Variants in TUBGCP3 observed in about 807,000 individuals in gnomAD.
TUBGCP3 encodes gamma-tubulin complex component 3.
Under a neutral mutation model 123.1 loss-of-function variants are expected in TUBGCP3, and 50 were observed. The ratio of observed to expected loss-of-function variants is 0.41; its 90% CI spans 0.32 to 0.51. The LOEUF (loss-of-function observed/expected upper bound fraction) is 0.51, where lower values mean the gene tolerates loss of function less well. Ranked by LOEUF, TUBGCP3 falls within the 20% of genes least tolerant of loss-of-function variation. TUBGCP3 has a pLI of 0.36. For missense variants in TUBGCP3, 882 were observed against 1,127.0 expected (o/e 0.78, Z 3.11); for synonymous variants, 405 against 413.9 (o/e 0.98, Z 0.26).
intron 8 of TUBGCP3, among the ~76,000 whole-genome samples, chr13:112,548,806 A>G (rs571945541): frequency 1.3e-5 from 2 of 152,372 alleles, no homozygotes; most frequent in African/African-American, 4.8e-5. Context: ...CACCAGTTAG[A>G]ATGGTGATCA....
intron 12 of TUBGCP3, 87 bp downstream of exon 12, chr13:112,527,287 A>C: frequency 3.8e-6 from 4 of 1,051,318 alleles, no homozygotes; most frequent in South Asian, 1.6e-5. Flanking sequence ...AACGCATGAA[A>C]TTTTAACTGA....
intron 18 of TUBGCP3, 56 bp from the exon 19 acceptor site, chr13:112,504,219 A>T (rs1220057607): frequency 1.2e-6 from 2 of 1,610,162 alleles, no homozygotes; most frequent in Non-Finnish European, 1.7e-6. Flanking sequence ...CTAGTGTAGC[A>T]TCACTCATAA....
In TUBGCP3 at chr13:112,519,892, C is replaced by T; in HGVS notation, c.1875G>A (p.Leu625=). 6.2e-7 allele frequency: 1 copy of T among 1,613,162 alleles called. No homozygotes were observed. The highest frequency in any genetic ancestry group is 8.5e-7 in the Non-Finnish European group (1 of 1,179,418). Residue 625 remains leucine, a synonymous_variant, in exon 15 of 22, where the codon CTG becomes CTA. Coordinates refer to ENST00000261965, the MANE Select transcript of TUBGCP3 (RefSeq NM_006322.6). The surrounding 1 kb of genome is among the most constrained non-coding windows in gnomAD (Gnocchi z 6.2). The part of the protein sequence containing the change: ...PEILRRLDVR[L]LEVSPGDTGW... The stretch of plus-strand genomic sequence containing the variant: ...ACACGCAGAGCCGCAGTACCTCCAG[C>T]AGCCGCACGTCCAGCCTTCGCAGGA...
At chr13:112,520,088 T>A in intron 14 of TUBGCP3, 67 bp from the exon 15 acceptor site, 1 of 1,463,956 alleles carries the variant, frequency 6.8e-7, no homozygotes, top group East Asian at 2.4e-5. Flanking sequence ...AAAAAACGTA[T>A]AAACTATTAA....
intron 21 of TUBGCP3, 139 bp from the exon 22 acceptor site, chr13:112,486,290 C>A: frequency 9.3e-7 from 1 of 1,073,498 alleles, no homozygotes; most frequent in South Asian, 1.7e-5. Flanking sequence ...CCCACCAGGG[C>A]AGGTGTCCAG....
chr13:112,509,704 G>A (rs1439676912), intron 17 of TUBGCP3, among the ~76,000 whole-genome samples: 4 of 152,168 alleles, frequency 2.6e-5, no homozygotes, highest in African/African-American at 7.2e-5. Context: ...CGCTGCTACT[G>A]AAAAGAAACC....
rs551530419 is a variant in TUBGCP3, at chr13:112,486,976, A to G, written c.2566-825T>C. 2.0e-5 allele frequency among the ~76,000 whole-genome samples: 3 copies of G among 152,144 alleles called. No individual in the cohort carries two copies. In the South Asian group the frequency reaches 6.2e-4, roughly 32 times the overall value. On this transcript the variant is annotated intron_variant, in intron 21 of 21. Transcript: ENST00000261965. ...TTCTGGTCAGAAACACGAATGCTGA[A>G]GCTCACAGGCAGGCCTGGGCACAGG...
At chr13:112,536,968 G>T (rs984458804) in intron 11 of TUBGCP3, among the ~76,000 whole-genome samples, 1 of 151,890 alleles carries the variant, frequency 6.6e-6, no homozygotes, top group Admixed American at 6.6e-5. Flanking sequence ...AGAGAGGAAG[G>T]TCTTGCTATG....
intron 20 of TUBGCP3, among the ~76,000 whole-genome samples, chr13:112,497,377 T>A (rs1406280315): frequency 3.1e-4 from 47 of 152,304 alleles, no homozygotes; most frequent in Non-Finnish European, 8.8e-5. Context: ...TCGCTTTGAA[T>A]GATGAGAGCC....
chr13:112,584,596 G>A (rs565378408), intron 1 of TUBGCP3, among the ~76,000 whole-genome samples: 5 of 152,330 alleles, frequency 3.3e-5, no homozygotes, highest in South Asian at 2.1e-4. Context: ...TCTTCTGATA[G>A]TGGCTTGTAG....
At position 112,569,151 on chromosome 13, in the gene TUBGCP3, C is replaced by T. The variant is rs780238410; in HGVS notation, c.184+1G>A. ...ACATGACATTTAAGAAAAATACGTACGCTCTTTCTTGATTTTTTCAGCTAC... is the reference window on the plus strand; with the variant it reads ...ACATGACATTTAAGAAAAATACGTATGCTCTTTCTTGATTTTTTCAGCTAC... On this transcript the variant is annotated splice_donor_variant, in intron 2 of 21. Coordinates refer to ENST00000261965, the MANE Select transcript of TUBGCP3 (RefSeq NM_006322.6). LOFTEE classifies it high-confidence loss of function. The T allele has an allele frequency of 4.3e-6, 7 of 1,613,742 alleles. No individual in the cohort carries two copies. The highest frequency in any genetic ancestry group is 2.2e-5 in the East Asian group (1 of 44,870).
intron 3 of TUBGCP3, among the ~76,000 whole-genome samples, chr13:112,560,017 C>G (rs1038607147): frequency 6.6e-6 from 1 of 151,988 alleles, no homozygotes; most frequent in African/African-American, 2.4e-5. Flanking sequence ...ACCTGTAGTC[C>G]CAGCTACTCG....
At chr13:112,596,593 G>A in the TUBGCP3 span, among the ~76,000 whole-genome samples, 1 of 151,990 alleles carries the variant, frequency 6.6e-6, no homozygotes, top group Non-Finnish European at 1.5e-5. Context: ...CCTTGAGTTT[G>A]TTCAGCTTCT....
intron 20 of TUBGCP3, among the ~76,000 whole-genome samples, chr13:112,493,419 C>T (rs1256278488): frequency 3.5e-5 from 5 of 143,842 alleles, no homozygotes; most frequent in Admixed American, 1.4e-4. Context: ...GTCCCTGAGA[C>T]ACTCTGGCTA....
intron 6 of TUBGCP3, 138 bp from the exon 7 acceptor site, chr13:112,555,143 A>T: frequency 1.7e-6 from 1 of 605,886 alleles, no homozygotes; most frequent in Non-Finnish European, 2.9e-6. Flanking sequence ...GCTCAAGATG[A>T]AAAAGAGTAT....
In TUBGCP3 at chr13:112,486,181, G is replaced by A; in HGVS notation, c.2566-30C>T. 3 of 1,609,022 alleles carry A rather than the reference G, an allele frequency of 1.9e-6. No individual in the cohort carries two copies. The South Asian group carries it at 3.3e-5, about 18-fold the overall frequency. Reference sequence around the variant, plus strand: ...AAAGAAGCAAAAGGAGTAAAATATTGTTTCAGAAAAGAACAACCCACAAAC... The same window carrying A: ...AAAGAAGCAAAAGGAGTAAAATATTATTTCAGAAAAGAACAACCCACAAAC... On this transcript the variant is annotated intron_variant, in intron 21 of 21. Transcript: ENST00000261965.
intron 1 of TUBGCP3, among the ~76,000 whole-genome samples, chr13:112,581,466 G>C (rs1010993971): frequency 2.7e-5 from 4 of 150,896 alleles, no homozygotes; most frequent in African/African-American, 9.7e-5. Flanking sequence ...TTTTTTCCCA[G>C]ACAAGGTCTC....
chr13:112,486,222 T>C, intron 21 of TUBGCP3, 71 bp from the exon 22 acceptor site: 2 of 1,560,530 alleles, frequency 1.3e-6, no homozygotes, highest in Non-Finnish European at 1.7e-6. Flanking sequence ...CCCCGGACCT[T>C]AATCTCCTTT....
intron 3 of TUBGCP3, among the ~76,000 whole-genome samples, chr13:112,560,390 A>C (rs1880413230): frequency 6.6e-6 from 1 of 151,232 alleles, no homozygotes; most frequent in Non-Finnish European, 1.5e-5. Flanking sequence ...AGATCCCGCC[A>C]CTGCACTCCA....
Sources: allele counts gnomAD v4.1 joint callset (sites outside exome capture counted in the v4.1 genomes callset), GRCh38; gene constraint gnomAD v4.1.1; non-coding constraint Gnocchi (gnomAD v3.1); transcripts MANE v1.5; gene names NCBI Gene and HGNC (gene_info 2026-07-23, HGNC 2026-07-21).